Variants in FRA10AC1 observed in about 807,000 individuals in gnomAD.
The protein encoded by FRA10AC1 is FRA10A associated CGG repeat 1, also known as protein FRA10AC1.
FRA10AC1 carries 43 observed loss-of-function variants against 56.5 expected under a neutral mutation model. That is an observed-to-expected ratio of 0.76 (90% CI 0.60 to 0.98). The LOEUF (loss-of-function observed/expected upper bound fraction) is 0.98. FRA10AC1 is among the 50% of genes least tolerant of loss of function. The pLI is 0.00. For missense variants in FRA10AC1, 346 were observed against 351.8 expected (o/e 0.98, Z 0.13); for synonymous variants, 112 against 110.5 (o/e 1.01, Z -0.09).
At position 93,702,525 on chromosome 10, in the gene FRA10AC1, G is replaced by A. The variant is rs12241678; in HGVS notation, c.-151C>T. 3,606 of 42,528 alleles carry A rather than the reference G, an allele frequency of 0.085. 60 individuals carry two copies. Among genetic ancestry groups the A allele is most frequent in the Middle Eastern group, 0.22 (16 of 74 alleles). The allele number at this position is 42,528 out of a possible 1,614,324, so 2.6% of individuals were successfully genotyped here. A position where few individuals can be genotyped will look rare whatever the true frequency, so the allele number is the denominator to read the frequency against. On this transcript the variant is annotated 5_prime_UTR_variant, in exon 1 of 14. Coordinates refer to ENST00000359204, the MANE Select transcript of FRA10AC1 (RefSeq NM_145246.5). ...GCACAGCCTCGCCACAACCACCACC[G>A]CCGCCGCCGCCGCCGCCGCCGCCCG...
Position 93,692,730 on chromosome 10 carries a change from C to T in FRA10AC1, c.297-1G>A. ...ATCCAAGTCTGTCTTGTCATTTTCCCTGGAAAACAGAACTTTTTCAATTTA... is the reference window on the plus strand; with the variant it reads ...ATCCAAGTCTGTCTTGTCATTTTCCTTGGAAAACAGAACTTTTTCAATTTA... On this transcript the variant is annotated splice_acceptor_variant, in intron 5 of 13. Coordinates refer to ENST00000359204, the MANE Select transcript of FRA10AC1 (RefSeq NM_145246.5). LOFTEE classifies it high-confidence loss of function. The T allele has an allele frequency of 6.4e-7, 1 of 1,570,146 alleles. No individual in the cohort carries two copies. Among genetic ancestry groups the T allele is most frequent in the Non-Finnish European group, 8.6e-7 (1 of 1,160,968 alleles).
Position 93,692,635 on chromosome 10 carries a change from T to A in FRA10AC1, c.380+11A>T. 1 of 1,554,974 alleles carries A rather than the reference T, an allele frequency of 6.4e-7. No individual in the cohort carries two copies. ...AGCATTTGATGCATTACGCCTCTGATGGCTAATTACCAAGTCATGTCCATT... is the reference window on the plus strand; with the variant it reads ...AGCATTTGATGCATTACGCCTCTGAAGGCTAATTACCAAGTCATGTCCATT... On this transcript the variant is annotated intron_variant, in intron 6 of 13. Coordinates refer to ENST00000359204, the MANE Select transcript of FRA10AC1 (RefSeq NM_145246.5).
chr10:93,693,629 C>A (rs1004344241), intron 5 of FRA10AC1, among the ~76,000 whole-genome samples: 87 of 127,604 alleles, frequency 6.8e-4, no homozygotes, highest in African/African-American at 2.3e-3. Flanking sequence ...TATATACACA[C>A]CATATATATA....
intron 7 of FRA10AC1, among the ~76,000 whole-genome samples, chr10:93,689,059 G>GTTT (rs1564817921): frequency 9.1e-6 from 1 of 109,862 alleles, no homozygotes. Flanking sequence ...TTTGTTGTGG[G>GTTT]GTTTTTTTTT....
intron 5 of FRA10AC1, 53 bp from the exon 6 acceptor site, chr10:93,692,782 A>T: frequency 1.7e-6 from 2 of 1,173,958 alleles, no homozygotes; most frequent in Non-Finnish European, 2.4e-6. Flanking sequence ...AGTCAAATTT[A>T]GGTTAAATAG....
chr10:93,691,879 A>G (rs2059129377), intron 7 of FRA10AC1, 130 bp downstream of exon 7: 1 of 987,292 alleles, frequency 1.0e-6, no homozygotes, highest in Non-Finnish European at 1.4e-6. Flanking sequence ...CAAATGACAC[A>G]TCATAAACGC....
chr10:93,693,613 CATAT>C (rs1206625319), intron 5 of FRA10AC1, among the ~76,000 whole-genome samples: 1 of 130,054 alleles, frequency 7.7e-6, no homozygotes, highest in Non-Finnish European at 1.6e-5. Flanking sequence ...ATATACACAC[CATAT>C]ATATATACAC....
chr10:93,701,919 T>G (rs2059339136), intron 1 of FRA10AC1, among the ~76,000 whole-genome samples: 1 of 151,986 alleles, frequency 6.6e-6, no homozygotes, highest in Non-Finnish European at 1.5e-5. Context: ...GTGTCCTCAT[T>G]TATAAAAAGA....
At chr10:93,696,516 A>G (rs942532966) in intron 4 of FRA10AC1, among the ~76,000 whole-genome samples, 5 of 152,346 alleles carry the variant, frequency 3.3e-5, no homozygotes, top group Non-Finnish European at 7.3e-5. Flanking sequence ...GGAATGTAAA[A>G]TGGTTCAACC....
At chr10:93,680,236 CATATT>C (rs2058911591) in intron 11 of FRA10AC1, among the ~76,000 whole-genome samples, 1 of 152,114 alleles carries the variant, frequency 6.6e-6, no homozygotes, top group Non-Finnish European at 1.5e-5. Flanking sequence ...TCTTAAGTGA[CATATT>C]AAATGTTTTA....
rs747377283 is a variant in FRA10AC1, at chr10:93,687,420, T to A, written c.495A>T (p.Glu165Asp). The change falls in exon 8 of 14, where the codon GAA (glutamate) becomes GAT (aspartate). Residue 165 changes from glutamate (E) to aspartate (D), a missense_variant. Coordinates refer to ENST00000359204, the MANE Select transcript of FRA10AC1 (RefSeq NM_145246.5). ...AAGAATTACCTTTTCCTGAAATTAC[T>A]TCTTTTTCTACTCGCCACCTAAATC... Reference protein sequence around the residue: ...KFGFRWRVEKEVISGKGQFFC... With the variant: ...KFGFRWRVEKDVISGKGQFFC... 4 of 1,516,386 alleles carry A rather than the reference T, an allele frequency of 2.6e-6. No homozygotes were observed. Among genetic ancestry groups the A allele is most frequent in the Non-Finnish European group, 3.6e-6 (4 of 1,116,554 alleles). The allele number at this position is 1,516,386 out of a possible 1,614,324, so 93.9% of individuals were successfully genotyped here.
chr10:93,692,144 T>G (rs1156467301), intron 6 of FRA10AC1, 51 bp from the exon 7 acceptor site: 1 of 1,314,836 alleles, frequency 7.6e-7, no homozygotes, highest in African/African-American at 1.5e-5. Context: ...CAACCATGGT[T>G]TGCTACTTTC....
chr10:93,675,757 A>G lies in FRA10AC1; in HGVS notation c.826+896T>C, dbSNP rs867547547. On this transcript the variant is annotated intron_variant, in intron 12 of 13. Transcript: ENST00000359204. ...AAGCCTAGAAATCTCAAGTTTCTAAATTTCTATGAGATAAGTCCAGAGAGT... is the reference window on the plus strand; with the variant it reads ...AAGCCTAGAAATCTCAAGTTTCTAAGTTTCTATGAGATAAGTCCAGAGAGT... 3.0e-5 allele frequency: 8 copies of G among 267,332 alleles called. No homozygotes were observed. In the Middle Eastern group the frequency reaches 1.7e-3, roughly 57 times the overall value. 16.6% of individuals were successfully genotyped at this position (267,332 alleles called of 1,614,324 possible).
intron 4 of FRA10AC1, among the ~76,000 whole-genome samples, chr10:93,695,793 T>C (rs147501968): frequency 9.9e-5 from 15 of 152,028 alleles, no homozygotes; most frequent in Non-Finnish European, 2.2e-4. Flanking sequence ...TTCTAGCTCT[T>C]GATCTACCAC....
chr10:93,685,360 C>T lies in FRA10AC1; in HGVS notation c.512-1G>A. The T allele has an allele frequency of 7.5e-7, 1 of 1,330,920 alleles. No individual in the cohort carries two copies. Among genetic ancestry groups the T allele is most frequent in the Non-Finnish European group, 1.1e-6 (1 of 928,856 alleles). 82.4% of individuals were successfully genotyped at this position (1,330,920 alleles called of 1,614,324 possible). ...TATTTATTTCCACAGAAAAATTGAC[C>T]TGCAGAAAGGAAAGGAATATTAGCT... On this transcript the variant is annotated splice_acceptor_variant, in intron 8 of 13. Transcript: ENST00000359204. LOFTEE classifies it high-confidence loss of function.
intron 1 of FRA10AC1, among the ~76,000 whole-genome samples, chr10:93,701,661 T>G (rs1725565972): frequency 2.0e-5 from 3 of 152,144 alleles, no homozygotes; most frequent in Admixed American, 2.0e-4. Context: ...TTACATCTGT[T>G]ATTGCCTTAC....
chr10:93,682,562 C>T (rs750605698), intron 10 of FRA10AC1, among the ~76,000 whole-genome samples: 103 of 152,182 alleles, frequency 6.8e-4, no homozygotes, highest in Admixed American at 1.0e-3. Context: ...GCACCTTGGG[C>T]GGCTGAGGCA....
Position 93,687,469 on chromosome 10 carries a change from AT to A in FRA10AC1, c.466-21del, listed in dbSNP as rs748081174. Reference sequence around the variant, plus strand: ...TCCAAACTGATAATAAAAAAATTACATTTATGCCAATGTAAATTTAAATTAT... The same window carrying A: ...TCCAAACTGATAATAAAAAAATTACATTATGCCAATGTAAATTTAAATTAT... On this transcript the variant is annotated intron_variant, in intron 7 of 13. Transcript: ENST00000359204. 2 of 1,480,902 alleles carry A rather than the reference AT, an allele frequency of 1.4e-6. No individual in the cohort carries two copies. The highest frequency in any genetic ancestry group is 2.9e-5 in the African/African-American group (2 of 70,082). The allele number at this position is 1,480,902 out of a possible 1,614,324, so 91.7% of individuals were successfully genotyped here. A position where few individuals can be genotyped will look rare whatever the true frequency, so the allele number is the denominator to read the frequency against.
At chr10:93,699,947 A>G (rs1272096183) in intron 2 of FRA10AC1, 83 bp downstream of exon 2, 1 of 790,070 alleles carries the variant, frequency 1.3e-6, no homozygotes, top group Non-Finnish European at 2.1e-6. Flanking sequence ...AACAGAATTC[A>G]AAAATTTCAC....
Sources: gnomAD v4.1 joint callset for allele counts (sites outside exome capture counted in the v4.1 genomes callset) on GRCh38, gnomAD v4.1.1 for gene constraint, MANE v1.5 for transcripts, NCBI Gene and HGNC (gene_info 2026-07-23, HGNC 2026-07-21) for gene names.